ZNF479: variants seen among roughly 807,000 people sequenced by gnomAD.
ZNF479 encodes KRAB zinc finger protein KR19.
ZNF479 carries 15 observed loss-of-function variants against 14.7 expected under a neutral mutation model. That is an observed-to-expected ratio of 1.02 (90% CI 0.68 to 1.57). ZNF479 has a LOEUF of 1.57. Among genes scored for constraint, ZNF479 ranks in the 40% most tolerant of loss-of-function variants. The pLI, the probability that ZNF479 is intolerant of heterozygous loss-of-function variation, is 0.00. For synonymous variants in ZNF479, 145 were observed against 211.5 expected (o/e 0.69, Z 2.73); for missense variants, 506 against 615.1 (o/e 0.82, Z 1.88).
At position 57,118,283 on chromosome 7, in the gene ZNF479, C is replaced by T. The variant is rs1287924100; in HGVS notation, c.*1557G>A. Among the ~76,000 whole-genome samples the T allele has an allele frequency of 6.6e-6, 1 of 152,232 alleles. No homozygotes were observed. The highest frequency in any genetic ancestry group is 2.4e-5 in the African/African-American group (1 of 41,458). ...GTAATGGAAGTAAAGGTACAGCAAT[C>T]CTCTTTAAGTTTGTATGTTTGTCTT... On this transcript the variant is annotated 3_prime_UTR_variant, in exon 4 of 4. Transcript: ENST00000319636.
chr7:57,120,633 C>A lies in ZNF479; in HGVS notation c.782G>T (p.Arg261Ile). 6.2e-7 allele frequency: 1 copy of A among 1,613,924 alleles called. No individual in the cohort carries two copies. The highest frequency in any genetic ancestry group is 8.5e-7 in the Non-Finnish European group (1 of 1,179,888). Residue 261 changes from arginine (R) to isoleucine (I), a missense_variant, in exon 4 of 4, where the codon AGA becomes ATA. Coordinates refer to ENST00000319636, the MANE Select transcript of ZNF479 (RefSeq NM_001370129.2). ...GTAGGGTTTCTCTCCAGTATGAGTTCTCTTATGTCTAGTAAGGTTTGCAGA... is the reference window on the plus strand; with the variant it reads ...GTAGGGTTTCTCTCCAGTATGAGTTATCTTATGTCTAGTAAGGTTTGCAGA... ...SWSANLTRHKRTHTGEKPYTC... is the reference protein window; with the variant it reads ...SWSANLTRHKITHTGEKPYTC...
In ZNF479 at chr7:57,120,381, C is replaced by A. The variant is rs1335608758; in HGVS notation, c.1034G>T (p.Arg345Ile). 12 of 1,613,362 alleles carry A rather than the reference C, an allele frequency of 7.4e-6. No individual in the cohort carries two copies. Among genetic ancestry groups the A allele is most frequent in the East Asian group, 2.2e-5 (1 of 44,786 alleles). ...SWSSNLTRHK[R>I]IHTREKPYAC... Reference sequence around the variant, plus strand: ...ATAGGGTTTCTCTCTAGTATGAATTCTCTTATGTCTAGTAAGGTTTGAGGA... The same window carrying A: ...ATAGGGTTTCTCTCTAGTATGAATTATCTTATGTCTAGTAAGGTTTGAGGA... Residue 345 changes from arginine to isoleucine, a missense_variant, in exon 4 of 4, where the codon AGA becomes ATA. Arg to Ile is a moderately conservative substitution (Grantham distance 97). Coordinates refer to ENST00000319636, the MANE Select transcript of ZNF479 (RefSeq NM_001370129.2).
chr7:57,123,864 C>T (rs539425651), intron 3 of ZNF479, among the ~76,000 whole-genome samples: 29 of 151,820 alleles, frequency 1.9e-4, no homozygotes, highest in African/African-American at 6.3e-4. Flanking sequence ...CAAAATCATA[C>T]AGTATATGTT....
chr7:57,138,290 A>G (rs561556113), intron 1 of ZNF479, among the ~76,000 whole-genome samples: 1 of 152,330 alleles, frequency 6.6e-6, no homozygotes, highest in African/African-American at 2.4e-5. Flanking sequence ...ATGTAGAAAG[A>G]TCACACAATA....
chr7:57,127,923 TTA>T (rs199790031), intron 1 of ZNF479, among the ~76,000 whole-genome samples: 31 of 141,016 alleles, frequency 2.2e-4, no homozygotes, highest in African/African-American at 6.0e-4. Flanking sequence ...TTTAATTTTA[TTA>T]TATATATATA....
At chr7:57,128,109 AT>A (rs555685367) in intron 1 of ZNF479, among the ~76,000 whole-genome samples, 9 of 149,708 alleles carry the variant, frequency 6.0e-5, no homozygotes, top group Non-Finnish European at 7.4e-5. Flanking sequence ...TAATTTTTGT[AT>A]TTTTTTTTAG....
At chr7:57,124,004 T>C (rs1786055713) in intron 3 of ZNF479, among the ~76,000 whole-genome samples, 1 of 152,174 alleles carries the variant, frequency 6.6e-6, no homozygotes, top group Admixed American at 6.6e-5. Context: ...TTTAATATTT[T>C]TTCTCAAGGG....
chr7:57,131,729 C>G (rs1446081581), intron 1 of ZNF479, among the ~76,000 whole-genome samples: 1 of 152,042 alleles, frequency 6.6e-6, no homozygotes, highest in Non-Finnish European at 1.5e-5. Flanking sequence ...ATAACTGTAC[C>G]AAACCAATTA....
In ZNF479 at chr7:57,125,840, T is replaced by C. The variant is rs191996669; in HGVS notation, c.262+178A>G. 8.5e-3 allele frequency among the ~76,000 whole-genome samples: 1,302 copies of C among 152,288 alleles called. 20 individuals carry two copies. Among genetic ancestry groups the C allele is most frequent in the African/African-American group, 0.03 (1,250 of 41,544 alleles). On this transcript the variant is annotated intron_variant, in intron 3 of 3. Transcript: ENST00000319636. ...AAGCAGAAGTGGAATCCTTAGAGAC[T>C]TTAACAGCATGAGGCAGGAGGTGTC...
At position 57,138,372 on chromosome 7, in the gene ZNF479, G is replaced by A. The variant is rs141424422; in HGVS notation, c.-15+1236C>T. On this transcript the variant is annotated intron_variant, in intron 1 of 4. Coordinates refer to the ZNF479 transcript ENST00000331162. ...GTGTTAAAACAGAGTCCAGCACCGA[G>A]GTAAAATTGTGAATCTTATAGGCAC... 6.0e-3 allele frequency among the ~76,000 whole-genome samples: 906 copies of A among 152,248 alleles called. 7 individuals are homozygous for A. The highest frequency in any genetic ancestry group is 0.02 in the African/African-American group (819 of 41,538).
At chr7:57,123,424 A>G (rs765280096) in intron 3 of ZNF479, among the ~76,000 whole-genome samples, 7 of 152,252 alleles carry the variant, frequency 4.6e-5, no homozygotes, top group Non-Finnish European at 1.0e-4. Context: ...ACACCATATC[A>G]CAAACCAAAT....
intron 1 of ZNF479, among the ~76,000 whole-genome samples, chr7:57,127,052 T>C (rs1320094938): frequency 7.1e-6 from 1 of 141,104 alleles, no homozygotes; most frequent in East Asian, 2.3e-4. Flanking sequence ...AGACCGAGTC[T>C]CACTCTGTTG....
chr7:57,135,015 A>C (rs1583950802), upstream of ZNF479, among the ~76,000 whole-genome samples: 2 of 152,222 alleles, frequency 1.3e-5, no homozygotes, highest in African/African-American at 4.8e-5. Flanking sequence ...CCAAGAACCC[A>C]ATCTTCGTTT....
chr7:57,130,292 G>T (rs573719618), intron 1 of ZNF479, among the ~76,000 whole-genome samples: 44 of 152,294 alleles, frequency 2.9e-4, no homozygotes, highest in South Asian at 6.2e-4. Flanking sequence ...AGCCAACATA[G>T]TGAAAGCCAA....
intron 3 of ZNF479, among the ~76,000 whole-genome samples, chr7:57,124,843 G>A (rs1786088419): frequency 6.6e-6 from 1 of 152,152 alleles, no homozygotes; most frequent in Admixed American, 6.6e-5. Context: ...GGGAGGCTGA[G>A]GTGGGCAGAT....
chr7:57,131,719 A>G (rs1786432640), intron 1 of ZNF479, among the ~76,000 whole-genome samples: 1 of 152,226 alleles, frequency 6.6e-6, no homozygotes, highest in Admixed American at 6.5e-5. Context: ...AGGAAACTAC[A>G]TAACTGTACC....
upstream of ZNF479, among the ~76,000 whole-genome samples, chr7:57,137,164 A>G (rs552896034): frequency 1.3e-5 from 2 of 152,276 alleles, no homozygotes; most frequent in African/African-American, 2.4e-5. Context: ...AAGTCAGCTT[A>G]ATTGTATTAT....
intron 1 of ZNF479, among the ~76,000 whole-genome samples, chr7:57,138,947 T>C (rs1033575566): frequency 1.3e-5 from 2 of 152,158 alleles, no homozygotes; most frequent in South Asian, 2.1e-4. Flanking sequence ...CAAAAATGAC[T>C]CTCCTACCTG....
intron 1 of ZNF479, 77 bp downstream of exon 1, chr7:57,132,209 G>A (rs1786460763): frequency 1.2e-6 from 2 of 1,612,516 alleles, no homozygotes; most frequent in Non-Finnish European, 8.5e-7. Context: ...AAGAAAGTCT[G>A]GGACCTGCTA....
Sources: allele counts gnomAD v4.1 joint callset (sites outside exome capture counted in the v4.1 genomes callset), GRCh38; gene constraint gnomAD v4.1.1; transcripts MANE v1.5; gene names NCBI Gene and HGNC (gene_info 2026-07-23, HGNC 2026-07-21).